SRBD1: variants seen among roughly 807,000 people sequenced by gnomAD.
SRBD1 encodes S1 RNA binding domain 1, also known as S1 RNA-binding domain-containing protein 1.
Under a neutral mutation model 115.3 loss-of-function variants are expected in SRBD1, and 88 were observed. That is an observed-to-expected ratio of 0.76 (90% CI 0.64 to 0.91). The LOEUF (loss-of-function observed/expected upper bound fraction) is 0.91. SRBD1 is among the 40% of genes least tolerant of loss of function. The probability of loss-of-function intolerance (pLI) is 0.00; values close to 1 mark genes in which losing one functional copy is unlikely to be tolerated. For synonymous variants in SRBD1, 509 were observed against 407.7 expected (o/e 1.25, Z -2.99); for missense variants, 1,385 against 1,177.4 (o/e 1.18, Z -2.58).
At position 45,601,957 on chromosome 2, in the gene SRBD1, C is replaced by T. The variant is rs917326798; in HGVS notation, c.207G>A (p.Lys69=). 1.9e-6 allele frequency: 3 copies of T among 1,614,224 alleles called. No homozygotes were observed. The highest frequency in any genetic ancestry group is 2.5e-6 in the Non-Finnish European group (3 of 1,180,036). The change falls in exon 3 of 21, where the codon AAG becomes AAA. Residue 69 remains lysine (K), a synonymous_variant. Coordinates refer to ENST00000263736, the MANE Select transcript of SRBD1 (RefSeq NM_018079.5). ...AGCCATCACTGATCTGTGGGGCATT[C>T]TTCTTCACCCGAGGCATCCTCTTTG... ...SKPKRMPRVK[K]NAPQISDGSE...
chr2:45,468,755 T>C (rs939518152), intron 16 of SRBD1, among the ~76,000 whole-genome samples: 2 of 152,204 alleles, frequency 1.3e-5, no homozygotes, highest in African/African-American at 4.8e-5. Flanking sequence ...ATATACATTC[T>C]GCAACAGAAT....
intron 16 of SRBD1, among the ~76,000 whole-genome samples, chr2:45,427,923 C>T (rs1039990741): frequency 6.6e-6 from 1 of 152,136 alleles, no homozygotes; most frequent in African/African-American, 2.4e-5. Context: ...ACCCCACTGT[C>T]AATATCAGAC....
intron 20 of SRBD1, among the ~76,000 whole-genome samples, chr2:45,391,498 C>T (rs1037312255): frequency 7.9e-5 from 12 of 152,108 alleles, no homozygotes; most frequent in Admixed American, 5.2e-4. Context: ...TCTGCCCCCT[C>T]GAAAGTATAG....
intron 16 of SRBD1, among the ~76,000 whole-genome samples, chr2:45,459,571 C>T (rs1331275005): frequency 6.6e-6 from 1 of 152,118 alleles, no homozygotes; most frequent in Non-Finnish European, 1.5e-5. Context: ...CAGGAATAAA[C>T]AGGACCTTAA....
chr2:45,447,153 T>C (rs1455167912), intron 16 of SRBD1: 9 of 152,242 alleles, frequency 5.9e-5, no homozygotes, highest in Non-Finnish European at 1.3e-4. Context: ...AAATTACCTT[T>C]AAAATGGCAT....
At chr2:45,549,829 C>T (rs1672241641) in intron 12 of SRBD1, among the ~76,000 whole-genome samples, 1 of 151,906 alleles carries the variant, frequency 6.6e-6, no homozygotes, top group Admixed American at 6.6e-5. Flanking sequence ...CGCCACTGTG[C>T]TCCAGCCTGG....
intron 14 of SRBD1, among the ~76,000 whole-genome samples, chr2:45,539,299 G>A (rs552059604): frequency 1.3e-5 from 2 of 151,992 alleles, no homozygotes; most frequent in Non-Finnish European, 2.9e-5. Flanking sequence ...TTTCAGCTGA[G>A]GGCATCTGCT....
chr2:45,579,882 G>C lies in SRBD1; in HGVS notation c.1065C>G (p.Asp355Glu). ...TGTAAATAAAGCCAGTACCTTTAAC[G>C]TCAGGCCTAATGTACGATAGCAGAC... ...ELSLLSYIRP[D>E]VKGLSTLQDI... The change falls in exon 7 of 21, where the codon GAC becomes GAG. Residue 355 changes from aspartate (D) to glutamate (E), a missense_variant. Transcript: ENST00000263736. The C allele has an allele frequency of 1.3e-6, 2 of 1,573,114 alleles. No individual in the cohort carries two copies. The highest frequency in any genetic ancestry group is 1.7e-6 in the Non-Finnish European group (2 of 1,164,870).
intron 9 of SRBD1, among the ~76,000 whole-genome samples, chr2:45,566,210 A>G (rs1349173418): frequency 6.6e-6 from 1 of 152,234 alleles, no homozygotes; most frequent in Non-Finnish European, 1.5e-5. Context: ...ACTCCTAGGT[A>G]TATATCCAAG....
intron 20 of SRBD1, 151 bp downstream of exon 20, chr2:45,392,794 T>C (rs1667039249): frequency 2.4e-6 from 2 of 820,690 alleles, no homozygotes; most frequent in Admixed American, 6.0e-5. Context: ...ATAATGACTT[T>C]GAAGGAAGAT....
chr2:45,452,694 C>T (rs558837358), intron 16 of SRBD1, among the ~76,000 whole-genome samples: 1 of 151,956 alleles, frequency 6.6e-6, no homozygotes, highest in South Asian at 2.1e-4. Flanking sequence ...ATAGATCTTC[C>T]TATGAGAATA....
chr2:45,453,916 C>T (rs1454310569), intron 16 of SRBD1, among the ~76,000 whole-genome samples: 2 of 152,038 alleles, frequency 1.3e-5, no homozygotes, highest in South Asian at 2.1e-4. Flanking sequence ...TGTGGCAATT[C>T]GTCCACTGCA....
In SRBD1 at chr2:45,414,777, C is replaced by CACACACACAGTGTGTATATAGTATGT. The variant is rs1667742417; in HGVS notation, c.2334-1485_2334-1484insACATACTATATACACACTGTGTGTGT. 2.3e-3 allele frequency among the ~76,000 whole-genome samples: 181 copies of CACACACACAGTGTGTATATAGTATGT among 78,742 alleles called. 9 individuals are homozygous for CACACACACAGTGTGTATATAGTATGT. Among genetic ancestry groups the CACACACACAGTGTGTATATAGTATGT allele is most frequent in the African/African-American group, 7.1e-3 (143 of 20,008 alleles). The allele number at this position is 78,742 out of a possible 152,430, so 51.7% of individuals were successfully genotyped here. A position where few individuals can be genotyped will look rare whatever the true frequency, so the allele number is the denominator to read the frequency against. ...ACACACAGTGTGTATATAGTATGTA[C>CACACACACAGTGTGTATATAGTATGT]ACACACACATAGTGTGTATATAGTA... On this transcript the variant is annotated intron_variant, in intron 18 of 20. Transcript: ENST00000263736.
intron 18 of SRBD1, among the ~76,000 whole-genome samples, chr2:45,415,686 C>T (rs149742384): frequency 0.012 from 133 of 11,538 alleles, 11 homozygotes; most frequent in Middle Eastern, 0.071. Context: ...GGGGAGGGGA[C>T]GGGAGAGGAG....
At chr2:45,529,499 G>A (rs6718425) in intron 14 of SRBD1, among the ~76,000 whole-genome samples, 43,267 of 151,574 alleles carry the variant, frequency 0.29, 6,413 homozygotes, top group African/African-American at 0.37. Context: ...CCGAAAATTT[G>A]AACAGGGGTC....
At chr2:45,390,151 T>C (rs1666958049) in intron 20 of SRBD1, among the ~76,000 whole-genome samples, 1 of 152,204 alleles carries the variant, frequency 6.6e-6, no homozygotes, top group South Asian at 2.1e-4. Context: ...ATTTCATATA[T>C]ATTTATCCAA....
intron 11 of SRBD1, among the ~76,000 whole-genome samples, chr2:45,551,923 A>G (rs1672313884): frequency 1.3e-5 from 2 of 152,230 alleles, no homozygotes; most frequent in African/African-American, 4.8e-5. Context: ...ACAAGACAGA[A>G]GACCAAGATC....
intron 10 of SRBD1, among the ~76,000 whole-genome samples, chr2:45,556,938 GTTA>G (rs1309307592): frequency 1.3e-5 from 2 of 152,044 alleles, no homozygotes; most frequent in African/African-American, 2.4e-5. Context: ...TGCTGCTGCT[GTTA>G]TTATTAATAT....
rs573722234 is a variant in SRBD1 at position 45,389,453 on chromosome 2, G to C, written c.2845C>G (p.Arg949Gly). The C allele has an allele frequency of 6.2e-7, 1 of 1,613,928 alleles. No individual in the cohort carries two copies. The highest frequency in any genetic ancestry group is 8.5e-7 in the Non-Finnish European group (1 of 1,179,942). Residue 949 changes from arginine (R) to glycine (G), a missense_variant, in exon 21 of 21, where the codon CGA becomes GGA. Arg to Gly is a moderately radical substitution (Grantham distance 125). Transcript: ENST00000263736. ...GAAAGTTTTGCTTCTGTTACATTTC[G>C]TATGGGAATCAGCCCAGATTTCCCC... is the stretch of plus-strand genomic sequence containing the variant. ...GVGKSGLIPIRNVTEAKLSKT... is the reference protein window; with the variant it reads ...GVGKSGLIPIGNVTEAKLSKT...
Sources: gnomAD v4.1 joint callset for allele counts (sites outside exome capture counted in the v4.1 genomes callset) on GRCh38, gnomAD v4.1.1 for gene constraint, MANE v1.5 for transcripts, NCBI Gene and HGNC (gene_info 2026-07-23, HGNC 2026-07-21) for gene names.